The following B4GALT6 variants were observed in gnomAD, a reference collection of about 807,000 sequenced individuals.
B4GALT6 encodes the protein UDP-Gal:beta-GlcNAc beta-1,4-galactosyltransferase 6.
In B4GALT6, 14 loss-of-function variants were observed where a neutral mutation model predicts 46.3. The ratio of observed to expected loss-of-function variants is 0.30; its 90% CI spans 0.20 to 0.47. The LOEUF is 0.47. Among genes scored for constraint, B4GALT6 ranks in the 20% least tolerant of loss-of-function variants. The pLI is 0.99. For synonymous variants in B4GALT6, 168 were observed against 162.0 expected, an observed-to-expected ratio of 1.04 and a Z score of -0.28; for missense variants, 386 against 480.1, an observed-to-expected ratio of 0.80 and a Z score of 1.83.
the B4GALT6 span, among the ~76,000 whole-genome samples, chr18:31,717,783 C>T: frequency 8.6e-5 from 13 of 151,992 alleles, no homozygotes; most frequent in Middle Eastern, 3.4e-3. Context: ...GGAGAAACCC[C>T]GTCTCTACTA....
chr18:31,676,826 G>C (rs542695122), intron 1 of B4GALT6, among the ~76,000 whole-genome samples: 1 of 152,230 alleles, frequency 6.6e-6, no homozygotes, highest in South Asian at 2.1e-4. Context: ...ATCAGAATCA[G>C]AATCTCCCAT....
chr18:31,724,484 C>A, the B4GALT6 span: 14 of 1,014,834 alleles, frequency 1.4e-5, no homozygotes, highest in Non-Finnish European at 1.7e-5. Context: ...CCCGGGAGAG[C>A]TTTGATTACC....
Position 31,684,435 on chromosome 18 carries a change from TC to T in B4GALT6, c.-10del. The T allele has an allele frequency of 6.2e-7, 1 of 1,612,492 alleles. No individual in the cohort carries two copies. Among genetic ancestry groups the T allele is most frequent in the Non-Finnish European group, 8.5e-7 (1 of 1,179,300 alleles). ...CGCCTGAGCACAGACATCTTCCTCT[TC>T]CCTGCCAGCAGCCCAGGCTGCGCTC... is the stretch of plus-strand genomic sequence containing the variant. On this transcript the variant is annotated 5_prime_UTR_variant, in exon 1 of 9. Transcript: ENST00000306851.
the B4GALT6 span, among the ~76,000 whole-genome samples, chr18:31,701,071 A>G: frequency 3.3e-5 from 5 of 152,242 alleles, no homozygotes; most frequent in Non-Finnish European, 7.3e-5. Context: ...GAAATTCAGT[A>G]TATATTGATA....
chr18:31,652,648 C>T (rs2074086167), intron 3 of B4GALT6, among the ~76,000 whole-genome samples: 1 of 152,210 alleles, frequency 6.6e-6, no homozygotes, highest in African/African-American at 2.4e-5. Context: ...ACTTCCCCAT[C>T]CTCCAAATGC....
the B4GALT6 span, among the ~76,000 whole-genome samples, chr18:31,706,653 A>AG: frequency 6.6e-6 from 1 of 152,184 alleles, no homozygotes. Flanking sequence ...AAGAAAAAAA[A>AG]GAACATCATG....
At chr18:31,646,250 C>T (rs1321690045) in intron 3 of B4GALT6, among the ~76,000 whole-genome samples, 2 of 152,194 alleles carry the variant, frequency 1.3e-5, no homozygotes, top group East Asian at 1.9e-4. Flanking sequence ...CACTCATTCT[C>T]CAAATTAACA....
the B4GALT6 span, among the ~76,000 whole-genome samples, chr18:31,709,434 C>CATATATATATATATATAT: frequency 6.9e-4 from 90 of 130,946 alleles, no homozygotes; most frequent in African/African-American, 2.6e-3. Flanking sequence ...GCAATTCATA[C>CATATATATATATATATAT]ATATATATAT....
chr18:31,638,195 T>C (rs372401353), intron 5 of B4GALT6, among the ~76,000 whole-genome samples: 2 of 152,100 alleles, frequency 1.3e-5, no homozygotes, highest in Admixed American at 6.5e-5. Flanking sequence ...AAAAGAAATA[T>C]ATGGGCCCAA....
chr18:31,666,216 G>T, intron 2 of B4GALT6, 40 bp downstream of exon 2: 1 of 1,226,788 alleles, frequency 8.2e-7, no homozygotes, highest in Non-Finnish European at 1.2e-6. Flanking sequence ...TTGGTTTACT[G>T]CTTTGTAACT....
At chr18:31,724,475 C>A in the B4GALT6 span, 1 of 1,012,490 alleles carries the variant, frequency 9.9e-7, no homozygotes, top group Non-Finnish European at 1.2e-6. Flanking sequence ...CCGGGCAGAC[C>A]CGGGAGAGCT....
chr18:31,704,357 C>A, the B4GALT6 span, among the ~76,000 whole-genome samples: 2 of 151,616 alleles, frequency 1.3e-5, no homozygotes, highest in African/African-American at 4.9e-5. Context: ...TACAGAAATG[C>A]GCCACCATGC....
chr18:31,665,149 G>GT (rs1567977279), intron 2 of B4GALT6, among the ~76,000 whole-genome samples: 1 of 152,150 alleles, frequency 6.6e-6, no homozygotes, highest in Non-Finnish European at 1.5e-5. Context: ...GAATGTGTAG[G>GT]TTTACAGTGA....
chr18:31,623,878 T>G lies in B4GALT6; in HGVS notation c.*1736A>C, dbSNP rs1382519973. ...ACAATCTGAGATAAATAACCATAGT[T>G]CTGTTTTAGGTAAACAATCCTTGAG... is the stretch of plus-strand genomic sequence containing the variant. On this transcript the variant is annotated 3_prime_UTR_variant, in exon 9 of 9. Transcript: ENST00000306851. 6.6e-6 allele frequency: 1 copy of G among 152,010 alleles called. No homozygotes were observed. The highest frequency in any genetic ancestry group is 6.6e-5 in the Admixed American group (1 of 15,262). 9.4% of individuals were successfully genotyped at this position (152,010 alleles called of 1,614,324 possible). A position where few individuals can be genotyped will look rare whatever the true frequency, so the allele number is the denominator to read the frequency against.
chr18:31,659,488 G>A (rs2144654584), intron 2 of B4GALT6, among the ~76,000 whole-genome samples: 1 of 152,294 alleles, frequency 6.6e-6, no homozygotes, highest in Admixed American at 6.5e-5. Flanking sequence ...AGGGTGTTGG[G>A]ACGGGCAAAG....
At chr18:31,654,848 AT>A (rs555433154) in intron 3 of B4GALT6, among the ~76,000 whole-genome samples, 307 of 152,300 alleles carry the variant, frequency 2.0e-3, no homozygotes, top group Non-Finnish European at 3.6e-3. Flanking sequence ...TATGTATTTT[AT>A]TGCATTGTTC....
rs530118146 is a variant in B4GALT6, at chr18:31,626,754, T to C, written c.899+245A>G. 3.3e-5 allele frequency among the ~76,000 whole-genome samples: 5 copies of C among 151,968 alleles called. No homozygotes were observed. The East Asian group carries it at 9.7e-4, about 29-fold the overall frequency. The stretch of plus-strand genomic sequence containing the variant: ...CCATCCTCCTGGGTCCTTGGAAAAA[T>C]TATCTTCCAGGAGACTGGTCCCTGG... On this transcript the variant is annotated intron_variant, in intron 7 of 8. Coordinates refer to ENST00000306851, the MANE Select transcript of B4GALT6 (RefSeq NM_004775.5).
chr18:31,688,262 T>TATATATATATATAC (rs1555643347), upstream of B4GALT6, among the ~76,000 whole-genome samples: 2 of 116,780 alleles, frequency 1.7e-5, no homozygotes, highest in East Asian at 2.0e-4. Flanking sequence ...TATATATACA[T>TATATATATATATAC]ATATATATAT....
the B4GALT6 span, among the ~76,000 whole-genome samples, chr18:31,699,376 G>T: frequency 6.0e-5 from 9 of 151,062 alleles, no homozygotes; most frequent in East Asian, 1.6e-3. Context: ...GGGTTCAAGC[G>T]ATTCTCCTGC....
Sources: allele counts gnomAD v4.1 joint callset (sites outside exome capture counted in the v4.1 genomes callset), GRCh38; gene constraint gnomAD v4.1.1; transcripts MANE v1.5; gene names NCBI Gene and HGNC (gene_info 2026-07-23, HGNC 2026-07-21).